The following PACSIN2 variants were observed in gnomAD, a reference collection of about 807,000 sequenced individuals.
The protein encoded by PACSIN2 is protein kinase C and casein kinase substrate in neurons protein 2.
In PACSIN2, 25 loss-of-function variants were observed where a neutral mutation model predicts 63.8. That is an observed-to-expected ratio of 0.39 (90% CI 0.29 to 0.55). PACSIN2 has a LOEUF of 0.55. Ranked by LOEUF, PACSIN2 falls within the 20% of genes least tolerant of loss-of-function variation. The pLI is 0.62. For missense variants in PACSIN2, 518 were observed against 646.9 expected (o/e 0.80, Z 2.16); for synonymous variants, 255 against 256.2 (o/e 1.00, Z 0.05).
chr22:42,906,606 G>A (rs969483734), intron 2 of PACSIN2, among the ~76,000 whole-genome samples: 2 of 152,252 alleles, frequency 1.3e-5, no homozygotes, highest in South Asian at 4.2e-4. Context: ...AGAAGGGCAG[G>A]ATCTTAGGAA....
At chr22:42,885,441 T>C (rs1281094489) in intron 5 of PACSIN2, among the ~76,000 whole-genome samples, 4 of 151,904 alleles carry the variant, frequency 2.6e-5, no homozygotes, top group African/African-American at 7.3e-5. Context: ...CTTTCTACTA[T>C]GGGGGTAGTC....
chr22:43,010,660 A>G (rs1487014934), intron 1 of PACSIN2, among the ~76,000 whole-genome samples: 1 of 152,162 alleles, frequency 6.6e-6, no homozygotes, highest in African/African-American at 2.4e-5. Flanking sequence ...CAGTGAGCCA[A>G]GATCACACCA....
intron 10 of PACSIN2, among the ~76,000 whole-genome samples, chr22:42,874,869 GAAAA>G (rs1320301921): frequency 1.8e-5 from 1 of 54,356 alleles, no homozygotes; most frequent in Non-Finnish European, 4.2e-5. Flanking sequence ...TTTTTTTTTT[GAAAA>G]AGAGTTTTGC....
chr22:42,963,030 G>A (rs1041039074), intron 1 of PACSIN2, among the ~76,000 whole-genome samples: 4 of 152,178 alleles, frequency 2.6e-5, no homozygotes, highest in Non-Finnish European at 2.9e-5. Context: ...GACAGAAACC[G>A]CTCAGGGAAG....
intron 1 of PACSIN2, among the ~76,000 whole-genome samples, chr22:42,986,698 G>A (rs935783156): frequency 9.2e-5 from 14 of 152,110 alleles, no homozygotes; most frequent in African/African-American, 3.4e-4. Context: ...CACTGAGAGG[G>A]GGCTTTTGTG....
intron 2 of PACSIN2, among the ~76,000 whole-genome samples, chr22:42,903,473 G>A (rs1930846240): frequency 6.6e-6 from 1 of 152,168 alleles, no homozygotes; most frequent in Admixed American, 6.5e-5. Flanking sequence ...AAACCATCTA[G>A]TCCGTGCCTT....
At position 42,968,243 on chromosome 22, in the gene PACSIN2, T is replaced by C. The variant is rs140643266; in HGVS notation, c.-78+46778A>G. On this transcript the variant is annotated intron_variant, in intron 1 of 10. Coordinates refer to ENST00000263246, the MANE Select transcript of PACSIN2 (RefSeq NM_001184970.3). ...CAGAACTAAACATCTGTTTCACTGT[T>C]GTTGTTTTGGGGAAGGCAAAGGAAG... 7.2e-5 allele frequency among the ~76,000 whole-genome samples: 11 copies of C among 152,310 alleles called. 1 individual carries two copies. The South Asian group carries it at 1.9e-3, about 26-fold the overall frequency.
At chr22:42,883,828 A>G (rs1304995783) in intron 6 of PACSIN2, among the ~76,000 whole-genome samples, 1 of 152,180 alleles carries the variant, frequency 6.6e-6, no homozygotes, top group Non-Finnish European at 1.5e-5. Context: ...ACATGGTGAA[A>G]CCCCATCTCT....
At chr22:42,940,263 T>C (rs1195058515) in intron 1 of PACSIN2, among the ~76,000 whole-genome samples, 1 of 152,170 alleles carries the variant, frequency 6.6e-6, no homozygotes, top group Non-Finnish European at 1.5e-5. Flanking sequence ...ACACCAAAAA[T>C]AGATTTTTCT....
chr22:42,892,838 C>T (rs139184097), intron 3 of PACSIN2, among the ~76,000 whole-genome samples: 92 of 152,362 alleles, frequency 6.0e-4, no homozygotes, highest in Non-Finnish European at 1.0e-3. Context: ...GAAACCCACA[C>T]TGCTCTGCTT....
intron 1 of PACSIN2, among the ~76,000 whole-genome samples, chr22:43,014,311 C>T (rs1342432098): frequency 6.7e-6 from 1 of 148,940 alleles, no homozygotes; most frequent in Non-Finnish European, 1.5e-5. Flanking sequence ...GGGCTTTGCT[C>T]CCCCCGCCCT....
At chr22:42,891,296 G>A in intron 3 of PACSIN2, 114 bp from the exon 4 acceptor site, 1 of 650,968 alleles carries the variant, frequency 1.5e-6, no homozygotes, top group Non-Finnish European at 2.6e-6. Flanking sequence ...TTTCCTTTCA[G>A]GGTTTCAGAT....
Position 42,877,057 on chromosome 22 carries a change from C to A in PACSIN2, c.1029-47G>T, listed in dbSNP as rs202247098. 6,868 of 1,606,298 alleles carry A rather than the reference C, an allele frequency of 4.3e-3. 18 individuals are homozygous for A. The highest frequency in any genetic ancestry group is 5.3e-3 in the Non-Finnish European group (6,236 of 1,174,044). On this transcript the variant is annotated intron_variant, in intron 8 of 10. Transcript: ENST00000263246. ...AGGGGATCCCAGCTCTGCAGGGGCC[C>A]GTGAGGGTCCTGGCAACTCCTAGCT...
At chr22:42,960,712 G>A (rs1224804905) in intron 1 of PACSIN2, among the ~76,000 whole-genome samples, 2 of 152,206 alleles carry the variant, frequency 1.3e-5, no homozygotes, top group African/African-American at 4.8e-5. Context: ...AAGAGAAAGA[G>A]GAGGCAGGCA....
At chr22:42,930,141 A>G (rs1466183345) in intron 1 of PACSIN2, among the ~76,000 whole-genome samples, 2 of 152,240 alleles carry the variant, frequency 1.3e-5, no homozygotes, top group Non-Finnish European at 2.9e-5. Flanking sequence ...GCCATGCACA[A>G]AACGAGACAG....
At chr22:42,879,418 C>T (rs915589868) in intron 7 of PACSIN2, among the ~76,000 whole-genome samples, 1 of 152,218 alleles carries the variant, frequency 6.6e-6, no homozygotes, top group Non-Finnish European at 1.5e-5. Flanking sequence ...GAGGCTTGCA[C>T]CTCTACAACC....
chr22:42,930,956 G>A (rs1415761879), intron 1 of PACSIN2, among the ~76,000 whole-genome samples: 2 of 152,230 alleles, frequency 1.3e-5, no homozygotes, highest in African/African-American at 2.4e-5. Context: ...TCACGTGTGC[G>A]TGACTCTGAA....
chr22:42,951,238 A>ACGATAAC (rs1933677984), intron 1 of PACSIN2, among the ~76,000 whole-genome samples: 1 of 152,156 alleles, frequency 6.6e-6, no homozygotes, highest in African/African-American at 2.4e-5. Context: ...TCTTCTAGTC[A>ACGATAAC]CGATAACCGG....
intron 8 of PACSIN2, among the ~76,000 whole-genome samples, chr22:42,878,742 C>T (rs1286019310): frequency 1.3e-5 from 2 of 152,216 alleles, no homozygotes. Context: ...ACATGAATGC[C>T]AGCCCTGTCA....
Sources: allele counts gnomAD v4.1 joint callset (sites outside exome capture counted in the v4.1 genomes callset), GRCh38; gene constraint gnomAD v4.1.1; transcripts MANE v1.5; gene names NCBI Gene and HGNC (gene_info 2026-07-23, HGNC 2026-07-21).